The following EPC1 variants were observed in gnomAD, a reference collection of about 807,000 sequenced individuals.
EPC1 encodes the protein enhancer of polycomb homolog 1.
In EPC1, 12 loss-of-function variants were observed where a neutral mutation model predicts 98.4. The observed-to-expected ratio is 0.12, with a 90% CI of 0.08 to 0.20. EPC1 has a LOEUF of 0.20. EPC1 is among the 10% of genes least tolerant of loss of function. The pLI is 1.00. For synonymous variants in EPC1, 357 were observed against 363.9 expected (o/e 0.98, Z 0.21); for missense variants, 729 against 990.5 (o/e 0.74, Z 3.54).
chr10:32,378,630 A>G, exon 1 of EPC1: 1 of 603,756 alleles, frequency 1.7e-6, no homozygotes, highest in Non-Finnish European at 2.8e-6. Flanking sequence ...GTAAATAAAA[A>G]GTAATACTTT....
intron 1 of EPC1, among the ~76,000 whole-genome samples, chr10:32,309,418 CCATAAT>C (rs1016239702): frequency 6.6e-6 from 1 of 151,472 alleles, no homozygotes; most frequent in African/African-American, 2.4e-5. Flanking sequence ...TATTATGTAC[CCATAAT>C]AATAAAAAAT....
intron 1 of EPC1, among the ~76,000 whole-genome samples, chr10:32,335,591 T>G (rs1837909460): frequency 6.6e-6 from 1 of 152,026 alleles, no homozygotes. Context: ...TGTTGTCCCT[T>G]CAAAAAAACA....
At chr10:32,374,133 A>G (rs1339006715) in intron 1 of EPC1, among the ~76,000 whole-genome samples, 1 of 152,200 alleles carries the variant, frequency 6.6e-6, no homozygotes, top group Non-Finnish European at 1.5e-5. Flanking sequence ...CTAATTAACC[A>G]TTAGCTAAGT....
intron 10 of EPC1, among the ~76,000 whole-genome samples, chr10:32,278,478 T>G (rs1592537236): frequency 8.0e-5 from 10 of 125,214 alleles, no homozygotes; most frequent in East Asian, 4.9e-4. Context: ...GCCTCCCGGG[T>G]TCACGCCATT....
chr10:32,324,585 TAATA>T lies in EPC1; in HGVS notation c.154-18658_154-18655del, dbSNP rs540451338. ...CTAATAAATCTTACTCTTATTTACTTAATAAATAAGTAGATAAATTTTTAAAACT... is the reference window on the plus strand; with the variant it reads ...CTAATAAATCTTACTCTTATTTACTTAATAAGTAGATAAATTTTTAAAACT... On this transcript the variant is annotated intron_variant, in intron 1 of 13. Coordinates refer to ENST00000319778, the MANE Select transcript of EPC1 (RefSeq NM_001272004.3). Among the ~76,000 whole-genome samples the T allele has an allele frequency of 4.2e-3, 644 of 151,968 alleles. 7 individuals are homozygous for T. The highest frequency in any genetic ancestry group is 0.014 in the African/African-American group (587 of 41,498).
intron 9 of EPC1, 61 bp downstream of exon 9, chr10:32,286,633 T>C (rs1836690990): frequency 3.8e-6 from 6 of 1,578,638 alleles, no homozygotes; most frequent in South Asian, 1.1e-5. Flanking sequence ...ACTTTAAAAG[T>C]TAGATTCAAT....
At chr10:32,278,371 G>GTTTTT (rs58729377) in intron 10 of EPC1, among the ~76,000 whole-genome samples, 12 of 102,596 alleles carry the variant, frequency 1.2e-4, no homozygotes, top group Admixed American at 2.4e-4. Context: ...GTTTTTTTTT[G>GTTTTT]TTTTTTTTTT....
chr10:32,333,201 A>G (rs1024525368), intron 1 of EPC1, among the ~76,000 whole-genome samples: 1 of 152,152 alleles, frequency 6.6e-6, no homozygotes, highest in African/African-American at 2.4e-5. Context: ...TTAGCCGGGC[A>G]TGGTGGCGTG....
intron 1 of EPC1, among the ~76,000 whole-genome samples, chr10:32,338,547 C>T (rs779000781): frequency 1.3e-5 from 2 of 152,160 alleles, no homozygotes; most frequent in South Asian, 4.1e-4. Flanking sequence ...ATCGTGAGTA[C>T]GTATGTGTCC....
rs1347358518 is a variant in EPC1 at position 32,275,931 on chromosome 10, C to G, written c.1745-2650G>C. On this transcript the variant is annotated intron_variant, in intron 10 of 13. Coordinates refer to ENST00000319778, the MANE Select transcript of EPC1 (RefSeq NM_001272004.3). ...TAACCTGGGTGACAGAGTGAGACTCCGTCTCATAAAAAAAAAAAAATGCAA... is the reference window on the plus strand; with the variant it reads ...TAACCTGGGTGACAGAGTGAGACTCGGTCTCATAAAAAAAAAAAAATGCAA... Among the ~76,000 whole-genome samples, 9 of 148,608 alleles carry G rather than the reference C, an allele frequency of 6.1e-5. No homozygotes were observed. In the East Asian group the frequency reaches 1.6e-3, roughly 27 times the overall value.
intron 1 of EPC1, among the ~76,000 whole-genome samples, chr10:32,356,721 A>C (rs1328968814): frequency 6.6e-6 from 1 of 152,202 alleles, no homozygotes; most frequent in African/African-American, 2.4e-5. Flanking sequence ...GCGGTGGCTC[A>C]CGCCTGTAAT....
intron 10 of EPC1, among the ~76,000 whole-genome samples, chr10:32,276,896 C>T (rs1836131467): frequency 1.3e-5 from 2 of 152,124 alleles, no homozygotes; most frequent in African/African-American, 4.8e-5. Context: ...CAAAGGTGGA[C>T]AAGATGGTTG....
At position 32,268,803 on chromosome 10, in the gene EPC1, C is replaced by T. The variant is rs1835699309; in HGVS notation, c.*260G>A. ...CATCACAAATGAACATTTCTGTATT[C>T]AAGTAACATATATACAAGGGTATTA... On this transcript the variant is annotated 3_prime_UTR_variant, in exon 14 of 14. Coordinates refer to ENST00000319778, the MANE Select transcript of EPC1 (RefSeq NM_001272004.3). 7.2e-6 allele frequency: 1 copy of T among 139,506 alleles called. No homozygotes were observed. 8.6% of individuals were successfully genotyped at this position (139,506 alleles called of 1,614,324 possible). A position where few individuals can be genotyped will look rare whatever the true frequency, so the allele number is the denominator to read the frequency against.
intron 1 of EPC1, among the ~76,000 whole-genome samples, chr10:32,331,891 T>C (rs2132974032): frequency 6.6e-6 from 1 of 152,338 alleles, no homozygotes; most frequent in Non-Finnish European, 1.5e-5. Flanking sequence ...TGGCTTAAAA[T>C]TTTGGTTTAT....
At chr10:32,271,525 A>AGGTAT in intron 13 of EPC1, 29 bp downstream of exon 13, 1 of 1,600,308 alleles carries the variant, frequency 6.2e-7, no homozygotes, top group Non-Finnish European at 8.5e-7. Context: ...CTCTTATTCC[A>AGGTAT]GGTATGTTAG....
rs1835675725 is a variant in EPC1 at position 32,268,228 on chromosome 10, T to C, written c.*835A>G. ...GCATACTTGATTTAACACTTTTTGG[T>C]GTGGAAGGAAATGGGACTACTGGGC... On this transcript the variant is annotated 3_prime_UTR_variant, in exon 14 of 14. Transcript: ENST00000319778. 6.6e-6 allele frequency: 1 copy of C among 152,154 alleles called. No homozygotes were observed. Among genetic ancestry groups the C allele is most frequent in the African/African-American group, 2.4e-5 (1 of 41,438 alleles). 9.4% of individuals were successfully genotyped at this position (152,154 alleles called of 1,614,324 possible). A position where few individuals can be genotyped will look rare whatever the true frequency, so the allele number is the denominator to read the frequency against.
At chr10:32,304,396 C>T (rs780557907) in intron 2 of EPC1, among the ~76,000 whole-genome samples, 1 of 152,150 alleles carries the variant, frequency 6.6e-6, no homozygotes, top group African/African-American at 2.4e-5. Context: ...AGATCAGATC[C>T]TTAGCTTTCA....
chr10:32,353,090 G>A (rs1279903775), intron 1 of EPC1, among the ~76,000 whole-genome samples: 1 of 151,594 alleles, frequency 6.6e-6, no homozygotes, highest in Non-Finnish European at 1.5e-5. Flanking sequence ...AGGAGGCGGA[G>A]GTTGCAATGA....
intron 2 of EPC1, 40 bp downstream of exon 2, chr10:32,305,732 A>C: frequency 3.3e-6 from 5 of 1,501,602 alleles, no homozygotes; most frequent in Non-Finnish European, 4.4e-6. Context: ...ATAATAAGAG[A>C]AATATAGAAA....
Sources: gnomAD v4.1 joint callset for allele counts (sites outside exome capture counted in the v4.1 genomes callset) on GRCh38, gnomAD v4.1.1 for gene constraint, MANE v1.5 for transcripts, NCBI Gene and HGNC (gene_info 2026-07-23, HGNC 2026-07-21) for gene names.